AGAP1: variants seen among roughly 807,000 people sequenced by gnomAD.
AGAP1 encodes the protein arf-GAP with GTPase, ANK repeat and PH domain-containing protein 1.
Under a neutral mutation model 105.3 loss-of-function variants are expected in AGAP1, and 29 were observed. The observed-to-expected ratio is 0.28, with a 90% CI of 0.21 to 0.38. The LOEUF is 0.38. Among genes scored for constraint, AGAP1 ranks in the 10% least tolerant of loss-of-function variants. AGAP1 has a pLI of 1.00. For synonymous variants in AGAP1, 509 were observed against 485.9 expected (o/e 1.05, Z -0.63); for missense variants, 998 against 1,165.1 (o/e 0.86, Z 2.09).
At chr2:235,710,427 G>A (rs983393884) in intron 2 of AGAP1, among the ~76,000 whole-genome samples, 3 of 152,234 alleles carry the variant, frequency 2.0e-5, no homozygotes, top group Admixed American at 1.3e-4. Context: ...TCTCATTGGT[G>A]TCTGACACAC....
At chr2:235,847,884 A>T (rs578062197) in intron 9 of AGAP1, among the ~76,000 whole-genome samples, 1 of 152,200 alleles carries the variant, frequency 6.6e-6, no homozygotes, top group Non-Finnish European at 1.5e-5. Context: ...GATGGATCTT[A>T]CCAGGCGGCC....
rs946022271 is a variant in AGAP1 at position 235,555,374 on chromosome 2, C to T, written c.163+60525C>T. On this transcript the variant is annotated intron_variant, in intron 1 of 17. Transcript: ENST00000304032. The surrounding 1 kb of genome is among the most constrained non-coding windows in gnomAD (Gnocchi z 5.1). ...CTGGCCACTTGCACAGGAAGATGCT[C>T]ATAGATGGCTGGTTCCTGCCAGTGA... 6.6e-6 allele frequency among the ~76,000 whole-genome samples: 1 copy of T among 152,160 alleles called. No homozygotes were observed. The highest frequency in any genetic ancestry group is 1.5e-5 in the Non-Finnish European group (1 of 68,028).
Position 235,989,152 on chromosome 2 carries a change from A to G in AGAP1, c.1645+20529A>G, listed in dbSNP as rs1352488707. Among the ~76,000 whole-genome samples, 1 of 152,232 alleles carries G rather than the reference A, an allele frequency of 6.6e-6. No individual in the cohort carries two copies. Among genetic ancestry groups the G allele is most frequent in the African/African-American group, 2.4e-5 (1 of 41,470 alleles). ...GTTGTTATTTAAAACTGCAAGACGT[A>G]GGCAATACCAGGTCTTAACAGCTTG... is the stretch of plus-strand genomic sequence containing the variant. On this transcript the variant is annotated intron_variant, in intron 13 of 17. Coordinates refer to ENST00000304032, the MANE Select transcript of AGAP1 (RefSeq NM_001037131.3). This position sits in a 1 kb window ranked among gnomAD's most constrained non-coding sequence, Gnocchi z 4.4.
intron 9 of AGAP1, among the ~76,000 whole-genome samples, chr2:235,836,798 T>C (rs1157550242): frequency 6.6e-6 from 1 of 152,088 alleles, no homozygotes; most frequent in East Asian, 1.9e-4. Flanking sequence ...AGCTCCCTCC[T>C]CGAGATAGAG....
intron 1 of AGAP1, among the ~76,000 whole-genome samples, chr2:235,682,798 G>T (rs1559345144): frequency 8.9e-5 from 1 of 11,174 alleles, no homozygotes; most frequent in Non-Finnish European, 1.4e-4. Flanking sequence ...GTGTGCACAC[G>T]TGTGTGTGTG....
At chr2:235,711,238 A>C (rs1248437379) in intron 2 of AGAP1, among the ~76,000 whole-genome samples, 1 of 152,234 alleles carries the variant, frequency 6.6e-6, no homozygotes, top group African/African-American at 2.4e-5. Flanking sequence ...AGTTCATTTA[A>C]ATTGAAATAG....
chr2:235,975,043 T>A (rs2054800611), intron 13 of AGAP1, among the ~76,000 whole-genome samples: 1 of 152,250 alleles, frequency 6.6e-6, no homozygotes, highest in Non-Finnish European at 1.5e-5. Context: ...GGCTAACCTG[T>A]TGTAGAGCTT....
chr2:235,574,118 A>G lies in AGAP1; in HGVS notation c.163+79269A>G, dbSNP rs1944660109. Among the ~76,000 whole-genome samples, 1 of 152,078 alleles carries G rather than the reference A, an allele frequency of 6.6e-6. No homozygotes were observed. On this transcript the variant is annotated intron_variant, in intron 1 of 17. Transcript: ENST00000304032. The surrounding 1 kb of genome is among the most constrained non-coding windows in gnomAD (Gnocchi z 5.0). ...CACAGCCTGCAGGGACATCACCTAA[A>G]AGTTGTCATCAGCTTCATTAGCAGC... is the stretch of plus-strand genomic sequence containing the variant.
At chr2:235,661,345 C>T (rs758110232) in intron 1 of AGAP1, among the ~76,000 whole-genome samples, 7 of 152,108 alleles carry the variant, frequency 4.6e-5, no homozygotes, top group Middle Eastern at 3.4e-3. Flanking sequence ...GAAGGAAAGG[C>T]GGTGATTGTG....
At chr2:236,057,203 G>T (rs975006962) in intron 16 of AGAP1, among the ~76,000 whole-genome samples, 1 of 152,150 alleles carries the variant, frequency 6.6e-6, no homozygotes, top group Non-Finnish European at 1.5e-5. Context: ...CTGTCTCCTA[G>T]GTTCAAGTGA....
chr2:236,094,317 G>A (rs1012068050), intron 16 of AGAP1, among the ~76,000 whole-genome samples: 10 of 150,400 alleles, frequency 6.6e-5, no homozygotes, highest in South Asian at 2.1e-4. Flanking sequence ...TTGCAAATAC[G>A]ATGGGTCACC....
Position 235,930,708 on chromosome 2 carries a change from G to T in AGAP1, c.1325-57G>T, listed in dbSNP as rs113512525. On this transcript the variant is annotated intron_variant, in intron 11 of 17. Coordinates refer to ENST00000304032, the MANE Select transcript of AGAP1 (RefSeq NM_001037131.3). The surrounding 1 kb of genome is among the most constrained non-coding windows in gnomAD (Gnocchi z 7.9). ...GTGTGGGTCCCATAGACTAACTCGC[G>T]CTGGTTTCTGTGGTCTGCAGTCCGC... is the stretch of plus-strand genomic sequence containing the variant. 1.1e-5 allele frequency: 17 copies of T among 1,560,176 alleles called. No individual in the cohort carries two copies. The Admixed American group carries it at 2.6e-4, about 24-fold the overall frequency.
rs1343828946 is a variant in AGAP1, at chr2:235,789,705, G to A, written c.674-8054G>A. ...GCATCAAAGGATTACTTTGATATAC[G>A]CAAGGTAAGTCAACAAAGGATTACC... On this transcript the variant is annotated intron_variant, in intron 6 of 17. Coordinates refer to ENST00000304032, the MANE Select transcript of AGAP1 (RefSeq NM_001037131.3). This position sits in a 1 kb window ranked among gnomAD's most constrained non-coding sequence, Gnocchi z 4.2. 6.6e-6 allele frequency among the ~76,000 whole-genome samples: 1 copy of A among 152,074 alleles called. No individual in the cohort carries two copies.
chr2:235,821,268 C>T (rs1417393110), intron 9 of AGAP1, among the ~76,000 whole-genome samples: 1 of 151,978 alleles, frequency 6.6e-6, no homozygotes, highest in Non-Finnish European at 1.5e-5. Context: ...AAGCATAAAA[C>T]ATAAAACTGT....
intron 1 of AGAP1, among the ~76,000 whole-genome samples, chr2:235,563,092 C>T (rs1185656539): frequency 6.6e-6 from 1 of 152,076 alleles, no homozygotes; most frequent in Non-Finnish European, 1.5e-5. Flanking sequence ...AGTCGCTTTG[C>T]CCTGGGGCTG....
At position 236,126,774 on chromosome 2, in the gene AGAP1, GA is replaced by G. The variant is rs940292183; in HGVS notation, c.*2654del. 6.6e-6 allele frequency: 1 copy of G among 152,160 alleles called. No homozygotes were observed. Among genetic ancestry groups the G allele is most frequent in the African/African-American group, 2.4e-5 (1 of 41,440 alleles). The allele number at this position is 152,160 out of a possible 1,614,324, so 9.4% of individuals were successfully genotyped here. On this transcript the variant is annotated 3_prime_UTR_variant, in exon 18 of 18. Transcript: ENST00000304032. ...GTTTTTGAGGGTCTTTCGAAAAAAA[GA>G]AGACGGGGCAGCTTTGCCCAGAGCT...
chr2:235,950,216 C>G (rs1343952585), intron 12 of AGAP1, among the ~76,000 whole-genome samples: 1 of 152,188 alleles, frequency 6.6e-6, no homozygotes, highest in East Asian at 1.9e-4. Context: ...TCCCGCCAGT[C>G]TCATGGCCAG....
chr2:235,780,728 C>T (rs757689840), intron 6 of AGAP1, among the ~76,000 whole-genome samples: 3 of 152,130 alleles, frequency 2.0e-5, no homozygotes, highest in Non-Finnish European at 2.9e-5. Context: ...AAAATTACTT[C>T]AAGTAAAGGA....
chr2:236,043,016 G>A (rs188627062), intron 15 of AGAP1, among the ~76,000 whole-genome samples: 1 of 152,326 alleles, frequency 6.6e-6, no homozygotes, highest in African/African-American at 2.4e-5. Flanking sequence ...GAAATAGCAA[G>A]TCCCAAAGCA....
Sources: gnomAD v4.1 joint callset for allele counts (sites outside exome capture counted in the v4.1 genomes callset) on GRCh38, gnomAD v4.1.1 for gene constraint, Gnocchi (gnomAD v3.1) non-coding constraint, MANE v1.5 for transcripts, NCBI Gene and HGNC (gene_info 2026-07-23, HGNC 2026-07-21) for gene names.